Variants in REDIC1 observed in about 807,000 individuals in gnomAD.
REDIC1 encodes HEI10 Interacting Protein 1.
the REDIC1 span, among the ~76,000 whole-genome samples, chr12:39,825,298 T>C: frequency 2.0e-5 from 3 of 152,118 alleles, no homozygotes; most frequent in Non-Finnish European, 2.9e-5. Context: ...GGCGGATAAA[T>C]AGACACAGAT....
the REDIC1 span, among the ~76,000 whole-genome samples, chr12:39,767,601 GAAGGCA>G: frequency 2.0e-5 from 3 of 152,034 alleles, no homozygotes; most frequent in African/African-American, 7.2e-5. Flanking sequence ...TCTTCCAACA[GAAGGCA>G]GTTTCATCTA....
chr12:39,764,065 T>TG, the REDIC1 span, among the ~76,000 whole-genome samples: 1 of 152,110 alleles, frequency 6.6e-6, no homozygotes, highest in African/African-American at 2.4e-5. Context: ...CTGGACGCTA[T>TG]GCCTGTCACA....
At chr12:39,668,996 G>C in the REDIC1 span, among the ~76,000 whole-genome samples, 1 of 151,896 alleles carries the variant, frequency 6.6e-6, no homozygotes, top group Non-Finnish European at 1.5e-5. Context: ...CCATGGGTTC[G>C]AACTTCCTCC....
the REDIC1 span, among the ~76,000 whole-genome samples, chr12:39,822,928 A>G: frequency 1.3e-5 from 2 of 152,196 alleles, no homozygotes; most frequent in African/African-American, 4.8e-5. Flanking sequence ...GAGGGAGATA[A>G]ATTACTCAGA....
chr12:39,826,493 A>C, the REDIC1 span, among the ~76,000 whole-genome samples: 1 of 148,542 alleles, frequency 6.7e-6, no homozygotes, highest in Non-Finnish European at 1.5e-5. Flanking sequence ...CTATACTTTG[A>C]GTCTCTTATT....
At chr12:39,771,231 T>TGTA in the REDIC1 span, among the ~76,000 whole-genome samples, 2 of 152,126 alleles carry the variant, frequency 1.3e-5, no homozygotes, top group Non-Finnish European at 2.9e-5. Context: ...TCATGCCTTG[T>TGTA]GTAGTTCCTT....
At chr12:39,628,352 TAGTTG>T in the REDIC1 span, among the ~76,000 whole-genome samples, 1 of 152,128 alleles carries the variant, frequency 6.6e-6, no homozygotes, top group Non-Finnish European at 1.5e-5. Context: ...TACACAAGAT[TAGTTG>T]ATCTTGGCAC....
the REDIC1 span, among the ~76,000 whole-genome samples, chr12:39,632,305 C>T: frequency 6.6e-6 from 1 of 151,938 alleles, no homozygotes; most frequent in African/African-American, 2.4e-5. Context: ...ACCATATTGG[C>T]CAGGCTGGTC....
At chr12:39,831,406 A>C in the REDIC1 span, among the ~76,000 whole-genome samples, 1 of 152,212 alleles carries the variant, frequency 6.6e-6, no homozygotes, top group Admixed American at 6.5e-5. Context: ...TTTACTGTGT[A>C]CAAGTCGTGA....
chr12:39,751,810 C>A, the REDIC1 span, among the ~76,000 whole-genome samples: 1 of 152,056 alleles, frequency 6.6e-6, no homozygotes, highest in African/African-American at 2.4e-5. Context: ...GGACAAAAAA[C>A]CAAACACCGC....
the REDIC1 span, among the ~76,000 whole-genome samples, chr12:39,902,372 G>C: frequency 0.022 from 3,407 of 151,640 alleles, 128 homozygotes; most frequent in African/African-American, 0.078. Context: ...AAAAAGAAGA[G>C]TGAAAAGATA....
At chr12:39,727,950 T>C in the REDIC1 span, among the ~76,000 whole-genome samples, 152 of 151,830 alleles carry the variant, frequency 1.0e-3, no homozygotes, top group Non-Finnish European at 1.6e-3. Flanking sequence ...TTTGACTCTC[T>C]GTTTGTCTAT....
At chr12:39,760,967 C>CACACACACACACACACACACACACACAT in the REDIC1 span, among the ~76,000 whole-genome samples, 1 of 151,096 alleles carries the variant, frequency 6.6e-6, no homozygotes, top group African/African-American at 2.4e-5. Flanking sequence ...CACACACACA[C>CACACACACACACACACACACACACACAT]ACACACATAA....
the REDIC1 span, chr12:39,746,085 G>A: frequency 6.6e-6 from 1 of 152,306 alleles, no homozygotes; most frequent in Non-Finnish European, 1.5e-5. Context: ...CGGACAGTGG[G>A]GGGCAGGACA....
At chr12:39,789,858 C>A in the REDIC1 span, among the ~76,000 whole-genome samples, 1 of 152,056 alleles carries the variant, frequency 6.6e-6, no homozygotes, top group African/African-American at 2.4e-5. Flanking sequence ...AGTGTCTATT[C>A]TTTCCCATTT....
chr12:39,846,974 C>T, the REDIC1 span, among the ~76,000 whole-genome samples: 1 of 152,088 alleles, frequency 6.6e-6, no homozygotes, highest in Non-Finnish European at 1.5e-5. Context: ...ACAAACACAA[C>T]AAAAGGTAGC....
the REDIC1 span, chr12:39,716,755 G>T: frequency 6.3e-7 from 1 of 1,593,132 alleles, no homozygotes; most frequent in Non-Finnish European, 8.6e-7. Flanking sequence ...TTTATTTTCA[G>T]CTCTTGATTC....
At chr12:39,656,269 T>C in the REDIC1 span, among the ~76,000 whole-genome samples, 4 of 152,232 alleles carry the variant, frequency 2.6e-5, no homozygotes, top group Non-Finnish European at 5.9e-5. Flanking sequence ...TATACAGTTA[T>C]GTGCTGCATA....
At chr12:39,627,379 T>C in the REDIC1 span, among the ~76,000 whole-genome samples, 2 of 152,260 alleles carry the variant, frequency 1.3e-5, no homozygotes, top group African/African-American at 2.4e-5. Context: ...TATAATGTGA[T>C]CTTTTTGAAT....
Sources: gnomAD v4.1 joint callset for allele counts (sites outside exome capture counted in the v4.1 genomes callset) on GRCh38, gnomAD v4.1.1 for gene constraint, MANE v1.5 for transcripts, NCBI Gene and HGNC (gene_info 2026-07-23, HGNC 2026-07-21) for gene names.